HEATR4: variants seen among roughly 807,000 people sequenced by gnomAD.
HEATR4 encodes HEAT repeat-containing protein 4.
In HEATR4, 95 loss-of-function variants were observed where a neutral mutation model predicts 108.8. The ratio of observed to expected loss-of-function variants is 0.87; its 90% CI spans 0.74 to 1.04. The LOEUF (loss-of-function observed/expected upper bound fraction) is 1.04. Ranked by LOEUF, HEATR4 falls within the 50% of genes least tolerant of loss-of-function variation. The pLI is 0.00. For synonymous variants in HEATR4, 443 were observed against 459.4 expected (o/e 0.96, Z 0.46); for missense variants, 1,152 against 1,253.8 (o/e 0.92, Z 1.23).
rs866728436 is a variant in HEATR4, at chr14:73,491,840, C to G, written c.2844+1226G>C. On this transcript the variant is annotated intron_variant, in intron 17 of 17. Coordinates refer to ENST00000553558, the MANE Select transcript of HEATR4 (RefSeq NM_001220484.1). ...CTACATCAACGGACGACGCGAGACCCTGAACCCACCCGGCCGCGCGCTGCC... is the reference window on the plus strand; with the variant it reads ...CTACATCAACGGACGACGCGAGACCGTGAACCCACCCGGCCGCGCGCTGCC... 3.1e-6 allele frequency: 5 copies of G among 1,609,212 alleles called. 1 individual carries two copies. The Middle Eastern group carries it at 8.3e-4, about 266-fold the overall frequency.
the HEATR4 span, chr14:73,612,878 G>A: frequency 7.2e-7 from 1 of 1,397,850 alleles, no homozygotes; most frequent in South Asian, 1.3e-5. Flanking sequence ...GACGCCCTTC[G>A]CCGTGGAGCT....
chr14:73,590,741 C>A, the HEATR4 span, among the ~76,000 whole-genome samples: 1 of 151,734 alleles, frequency 6.6e-6, no homozygotes, highest in Non-Finnish European at 1.5e-5. Context: ...GCGGGGCCGC[C>A]GAGCCCACGC....
intron 17 of HEATR4, among the ~76,000 whole-genome samples, chr14:73,490,459 C>T (rs1885635775): frequency 6.6e-6 from 1 of 152,226 alleles, no homozygotes; most frequent in South Asian, 2.1e-4. Context: ...GGACTACAGG[C>T]GCCCAGCACC....
Position 73,514,619 on chromosome 14 carries a change from C to A in HEATR4, c.1211-385G>T, listed in dbSNP as rs147327728. On this transcript the variant is annotated intron_variant, in intron 5 of 17. Coordinates refer to ENST00000553558, the MANE Select transcript of HEATR4 (RefSeq NM_001220484.1). ...AATTTAGTGTCATTGGCCATTATTT[C>A]TAAAGTATTAAGTTTTCCTTTTAAT... Among the ~76,000 whole-genome samples the A allele has an allele frequency of 1.1e-4, 16 of 152,284 alleles. No individual in the cohort carries two copies. In the East Asian group the frequency reaches 3.1e-3, roughly 29 times the overall value.
intron 2 of HEATR4, among the ~76,000 whole-genome samples, chr14:73,527,822 AC>A (rs1418413800): frequency 7.9e-5 from 12 of 151,780 alleles, no homozygotes; most frequent in African/African-American, 2.9e-4. Context: ...TACTACAAAT[AC>A]AAAAAATTAG....
chr14:73,628,115 T>C, the HEATR4 span, among the ~76,000 whole-genome samples: 5 of 151,992 alleles, frequency 3.3e-5, no homozygotes, highest in African/African-American at 1.2e-4. Context: ...GGCTTTCAAT[T>C]CTTTAATCCT....
the HEATR4 span, among the ~76,000 whole-genome samples, chr14:73,590,709 G>GGGCC: frequency 1.3e-5 from 2 of 151,822 alleles, no homozygotes; most frequent in South Asian, 2.1e-4. Context: ...CGGGGCTTGC[G>GGGCC]GGCCGGCCGG....
At chr14:73,521,086 T>G (rs1595132369) in intron 3 of HEATR4, 47 bp from the exon 4 acceptor site, 2 of 1,507,156 alleles carry the variant, frequency 1.3e-6, no homozygotes, top group Non-Finnish European at 1.8e-6. Flanking sequence ...GAGTAGGAGG[T>G]GGATCCCCCT....
chr14:73,528,260 T>C (rs1277766513), intron 2 of HEATR4, among the ~76,000 whole-genome samples: 4 of 151,704 alleles, frequency 2.6e-5, no homozygotes, highest in Admixed American at 1.3e-4. Flanking sequence ...GCGGGTGTGG[T>C]GGTGGGCATC....
rs1169435400 is a variant in HEATR4, at chr14:73,556,872, C to A, written c.-152+1879G>T. ...GGGTCCTACAGTTAGATGCACTGGGCGCTTCGGGAAGAATTTAGGGCTATG... is the reference window on the plus strand; with the variant it reads ...GGGTCCTACAGTTAGATGCACTGGGAGCTTCGGGAAGAATTTAGGGCTATG... On this transcript the variant is annotated intron_variant, in intron 1 of 17. Transcript: ENST00000553558. 1.8e-5 allele frequency among the ~76,000 whole-genome samples: 2 copies of A among 113,640 alleles called. 1 individual carries two copies. Among genetic ancestry groups the A allele is most frequent in the Admixed American group, 2.0e-4 (2 of 9,928 alleles). 74.6% of individuals were successfully genotyped at this position (113,640 alleles called of 152,430 possible). A position where few individuals can be genotyped will look rare whatever the true frequency, so the allele number is the denominator to read the frequency against.
the HEATR4 span, among the ~76,000 whole-genome samples, chr14:73,610,054 G>A: frequency 6.6e-6 from 1 of 151,852 alleles, no homozygotes; most frequent in Non-Finnish European, 1.5e-5. Context: ...CAGGCATGGT[G>A]GAGACATAGG....
Position 73,492,409 on chromosome 14 carries a change from C to G in HEATR4, c.2844+657G>C. 6.2e-7 allele frequency: 1 copy of G among 1,613,680 alleles called. No homozygotes were observed. The highest frequency in any genetic ancestry group is 1.1e-5 in the South Asian group (1 of 91,062). On this transcript the variant is annotated intron_variant, in intron 17 of 17. Transcript: ENST00000553558. The surrounding 1 kb of genome is among the most constrained non-coding windows in gnomAD (Gnocchi z 4.9). ...GAGACTTCATGGATTACATGGGGGC[C>G]CAGCATTCAGATTCTAAGGATCCGC...
intron 17 of HEATR4, among the ~76,000 whole-genome samples, chr14:73,487,296 G>A (rs936811884): frequency 7.6e-6 from 1 of 132,340 alleles, no homozygotes; most frequent in Non-Finnish European, 1.7e-5. Flanking sequence ...GCTGGGCACA[G>A]TGGCTCGCGC....
intron 17 of HEATR4, among the ~76,000 whole-genome samples, chr14:73,485,403 A>ATTT (rs35289379): frequency 6.4e-5 from 9 of 140,464 alleles, no homozygotes; most frequent in African/African-American, 1.6e-4. Context: ...ACATGGGTGA[A>ATTT]TTTTTTTTTT....
At chr14:73,501,487 T>A (rs2140262960) in intron 11 of HEATR4, among the ~76,000 whole-genome samples, 1 of 151,452 alleles carries the variant, frequency 6.6e-6, no homozygotes, top group Non-Finnish European at 1.5e-5. Flanking sequence ...ACTCCTGACC[T>A]CAAGTGATTC....
chr14:73,503,550 TCTCTA>T (rs1398667539), intron 10 of HEATR4, among the ~76,000 whole-genome samples: 1 of 152,190 alleles, frequency 6.6e-6, no homozygotes, highest in Admixed American at 6.5e-5. Flanking sequence ...GTATCTCCCT[TCTCTA>T]CTCCTACCTG....
At chr14:73,567,029 G>A in the HEATR4 span, among the ~76,000 whole-genome samples, 2 of 151,972 alleles carry the variant, frequency 1.3e-5, no homozygotes, top group Non-Finnish European at 2.9e-5. Flanking sequence ...GGATGGTGTC[G>A]ATCTCCTGAC....
intron 4 of HEATR4, among the ~76,000 whole-genome samples, chr14:73,519,370 G>T (rs35968838): frequency 6.8e-6 from 1 of 147,904 alleles, no homozygotes; most frequent in Non-Finnish European, 1.5e-5. Context: ...GTCTGTGGGG[G>T]AAAAAAAAAA....
chr14:73,481,644 A>C (rs1470503842), intron 17 of HEATR4, among the ~76,000 whole-genome samples: 1 of 151,782 alleles, frequency 6.6e-6, no homozygotes, highest in Non-Finnish European at 1.5e-5. Context: ...GATCGAGACC[A>C]TCCTGGCTAA....
Sources: allele counts gnomAD v4.1 joint callset (sites outside exome capture counted in the v4.1 genomes callset), GRCh38; gene constraint gnomAD v4.1.1; non-coding constraint Gnocchi (gnomAD v3.1); transcripts MANE v1.5; gene names NCBI Gene and HGNC (gene_info 2026-07-23, HGNC 2026-07-21).